The following BCR variants were observed in gnomAD, a reference collection of about 807,000 sequenced individuals.
BCR encodes the protein breakpoint cluster region protein.
In BCR, 58 loss-of-function variants were observed where a neutral mutation model predicts 138.6. The ratio of observed to expected loss-of-function variants is 0.42; its 90% CI spans 0.34 to 0.52. The LOEUF is 0.52. Ranked by LOEUF, BCR falls within the 20% of genes least tolerant of loss-of-function variation. The pLI, the probability that BCR is intolerant of heterozygous loss-of-function variation, is 0.06. For synonymous variants in BCR, 786 were observed against 730.1 expected, an observed-to-expected ratio of 1.08 and a Z score of -1.23; for missense variants, 1,599 against 1,727.2, an observed-to-expected ratio of 0.93 and a Z score of 1.32.
chr22:23,185,787 C>G (rs1361731948), intron 1 of BCR, among the ~76,000 whole-genome samples: 1 of 151,252 alleles, frequency 6.6e-6, no homozygotes, highest in African/African-American at 2.4e-5. Context: ...GGAGTGCAGC[C>G]CAGCGATCTC....
At chr22:23,194,058 G>C (rs898832414) in intron 1 of BCR, among the ~76,000 whole-genome samples, 1 of 152,244 alleles carries the variant, frequency 6.6e-6, no homozygotes, top group African/African-American at 2.4e-5. Context: ...TGACTGGTTG[G>C]AAGCCCTGCT....
intron 5 of BCR, among the ~76,000 whole-genome samples, chr22:23,270,702 C>G (rs906538083): frequency 6.6e-6 from 1 of 152,242 alleles, no homozygotes; most frequent in Non-Finnish European, 1.5e-5. Flanking sequence ...ACCTCAGAAC[C>G]TCTTCTGTCT....
intron 5 of BCR, 132 bp from the exon 6 acceptor site, chr22:23,271,400 C>A (rs1602088364): frequency 2.2e-6 from 2 of 908,028 alleles, no homozygotes; most frequent in East Asian, 2.7e-5. Context: ...CCTGTGACTT[C>A]ATTATCAGCT....
intron 16 of BCR, among the ~76,000 whole-genome samples, chr22:23,296,226 T>C (rs1040474150): frequency 1.3e-5 from 2 of 151,432 alleles, no homozygotes; most frequent in Non-Finnish European, 2.9e-5. Flanking sequence ...TACAAAAAAT[T>C]AGCCAGGCGT....
intron 8 of BCR, among the ~76,000 whole-genome samples, chr22:23,274,677 A>G (rs1274761647): frequency 2.6e-5 from 4 of 152,128 alleles, no homozygotes; most frequent in African/African-American, 9.7e-5. Flanking sequence ...TGGGAGGCCT[A>G]GGCGGGTGGA....
chr22:23,231,590 T>C (rs906618188), intron 1 of BCR, among the ~76,000 whole-genome samples: 29 of 151,714 alleles, frequency 1.9e-4, no homozygotes, highest in African/African-American at 6.5e-4. Context: ...AGCCATGGTG[T>C]TAAAAGGCCC....
intron 1 of BCR, among the ~76,000 whole-genome samples, chr22:23,201,157 G>C (rs1018666550): frequency 6.6e-5 from 10 of 152,258 alleles, no homozygotes; most frequent in African/African-American, 2.4e-4. Flanking sequence ...GTGCGCAGCT[G>C]GTCTGATTAA....
At chr22:23,262,954 G>T in intron 4 of BCR, 1 of 1,049,792 alleles carries the variant, frequency 9.5e-7, no homozygotes, top group Non-Finnish European at 1.2e-6. Context: ...GTGGAGGAAG[G>T]GGCGAGAGGC....
At chr22:23,182,337 G>T (rs1488239551) in intron 1 of BCR, 98 bp downstream of exon 1, 6 of 1,359,590 alleles carry the variant, frequency 4.4e-6, no homozygotes, top group Non-Finnish European at 4.9e-6. Flanking sequence ...GGGAGGAGTG[G>T]ATAGTTTTGA....
At chr22:23,215,028 C>T (rs1413691435) in intron 1 of BCR, among the ~76,000 whole-genome samples, 1 of 152,188 alleles carries the variant, frequency 6.6e-6, no homozygotes, top group Admixed American at 6.5e-5. Context: ...CACCATCCTA[C>T]TCTATGTCTA....
intron 1 of BCR, among the ~76,000 whole-genome samples, chr22:23,184,094 T>G (rs1391029648): frequency 6.6e-6 from 1 of 152,170 alleles, no homozygotes; most frequent in East Asian, 1.9e-4. Context: ...TTTTGTTTGT[T>G]TTTTGTTTTT....
At chr22:23,222,820 C>G (rs935050820) in intron 1 of BCR, among the ~76,000 whole-genome samples, 5 of 152,306 alleles carry the variant, frequency 3.3e-5, no homozygotes, top group Admixed American at 3.3e-4. Context: ...TCTCCTGCTT[C>G]TGATAAAGAC....
chr22:23,225,200 T>C (rs2072875129), intron 1 of BCR, among the ~76,000 whole-genome samples: 1 of 152,020 alleles, frequency 6.6e-6, no homozygotes, highest in South Asian at 2.1e-4. Context: ...GCTTTTTTTT[T>C]TTTTTTCCTG....
At position 23,295,088 on chromosome 22, in the gene BCR, A is replaced by G. The variant is rs752253705; in HGVS notation, c.2945A>G (p.Asn982Ser). ...LRILCYEKCY[N>S]KTKIPKEDGE... Reference sequence around the variant, plus strand: ...ATACTGTGCTATGAAAAGTGTTACAACAAGACGAAGATCCCCAAGGAGGAC... The same window carrying G: ...ATACTGTGCTATGAAAAGTGTTACAGCAAGACGAAGATCCCCAAGGAGGAC... Residue 982 changes from asparagine (N) to serine (S), a missense_variant, in exon 16 of 23, where the codon AAC becomes AGC. This residue lies in a region of BCR where 590 missense variants were observed against 762.4 expected (regional missense o/e 0.77). Coordinates refer to ENST00000305877, the MANE Select transcript of BCR (RefSeq NM_004327.4). 3.7e-6 allele frequency: 6 copies of G among 1,614,176 alleles called. No homozygotes were observed. The highest frequency in any genetic ancestry group is 5.1e-6 in the Non-Finnish European group (6 of 1,180,032).
At chr22:23,305,908 C>T (rs922454997) in intron 16 of BCR, among the ~76,000 whole-genome samples, 2 of 152,104 alleles carry the variant, frequency 1.3e-5, no homozygotes, top group East Asian at 1.9e-4. Flanking sequence ...AACTGTTTCC[C>T]CCTTGGTCAT....
rs147089762 is a variant in BCR, at chr22:23,182,147, C to T, written c.1187C>T (p.Pro396Leu). 21 of 1,609,558 alleles carry T rather than the reference C, an allele frequency of 1.3e-5. No individual in the cohort carries two copies. In the African/African-American group the frequency reaches 2.3e-4, roughly 17 times the overall value. The change falls in exon 1 of 23, where the codon CCG becomes CTG. Residue 396 changes from proline to leucine, a missense_variant. Physicochemically the swap from Pro to Leu is moderately conservative, Grantham distance 98 (BLOSUM62 -3). This residue lies in a region of BCR where 806 missense variants were observed against 635.0 expected (regional missense o/e 1.27). Transcript: ENST00000305877. ...TGCCATAAGCGGCACCGGCACTGCCCGGTTGTCGTGTCCGAGGCCACCATC... is the reference window on the plus strand; with the variant it reads ...TGCCATAAGCGGCACCGGCACTGCCTGGTTGTCGTGTCCGAGGCCACCATC... ...PQCHKRHRHCPVVVSEATIVG... is the reference protein window; with the variant it reads ...PQCHKRHRHCLVVVSEATIVG...
At chr22:23,265,819 A>G (rs982530526) in intron 4 of BCR, among the ~76,000 whole-genome samples, 1 of 152,210 alleles carries the variant, frequency 6.6e-6, no homozygotes, top group Non-Finnish European at 1.5e-5. Context: ...TGAATACTTC[A>G]TTTGCTAAGA....
intron 16 of BCR, among the ~76,000 whole-genome samples, chr22:23,297,204 G>GTTTTTTTTTTTTTTTTTTTTTT (rs1568979500): frequency 8.1e-6 from 1 of 124,158 alleles, no homozygotes; most frequent in African/African-American, 3.5e-5. Flanking sequence ...GCCTGGCTAA[G>GTTTTTTTTTTTTTTTTTTTTTT]TTGTTTTTTG....
At chr22:23,272,104 T>C (rs2146287702) in intron 6 of BCR, among the ~76,000 whole-genome samples, 1 of 152,298 alleles carries the variant, frequency 6.6e-6, no homozygotes, top group South Asian at 2.1e-4. Flanking sequence ...AGGTGTGAGC[T>C]ACCGCACCTG....
Sources: allele counts gnomAD v4.1 joint callset (sites outside exome capture counted in the v4.1 genomes callset), GRCh38; gene constraint gnomAD v4.1.1; regional missense constraint gnomAD v4.1.1; transcripts MANE v1.5; gene names NCBI Gene and HGNC (gene_info 2026-07-23, HGNC 2026-07-21).